ZGRF1: variants seen among roughly 807,000 people sequenced by gnomAD.
ZGRF1 encodes 5'-3' DNA helicase ZGRF1.
In ZGRF1, 196 loss-of-function variants were observed where a neutral mutation model predicts 203.5. That is an observed-to-expected ratio of 0.96 (90% CI 0.86 to 1.08). The LOEUF (loss-of-function observed/expected upper bound fraction) is 1.08, where lower values mean the gene tolerates loss of function less well. ZGRF1 is among the 50% of genes least tolerant of loss of function. The pLI is 0.00. For synonymous variants in ZGRF1, 809 were observed against 841.3 expected (o/e 0.96, Z 0.66); for missense variants, 2,326 against 2,416.3 (o/e 0.96, Z 0.78).
intron 7 of ZGRF1, among the ~76,000 whole-genome samples, chr4:112,612,031 T>C (rs2149128859): frequency 6.6e-6 from 1 of 152,018 alleles, no homozygotes; most frequent in East Asian, 1.9e-4. Flanking sequence ...AATGGCATGA[T>C]CTCGGCTCAC....
At chr4:112,600,622 C>T (rs143079959) in intron 10 of ZGRF1, among the ~76,000 whole-genome samples, 205 of 152,056 alleles carry the variant, frequency 1.3e-3, no homozygotes, top group African/African-American at 4.2e-3. Flanking sequence ...ACCCAGGAGG[C>T]GGAGTGTTGG....
intron 10 of ZGRF1, among the ~76,000 whole-genome samples, chr4:112,603,081 T>C (rs747248569): frequency 1.3e-5 from 2 of 152,328 alleles, no homozygotes; most frequent in Middle Eastern, 3.4e-3. Context: ...AAAAATCTCT[T>C]TGATGAACAC....
At chr4:112,589,999 T>TG (rs1189205615) in intron 10 of ZGRF1, 125 bp from the exon 11 acceptor site, 2 of 601,854 alleles carry the variant, frequency 3.3e-6, no homozygotes, top group East Asian at 5.8e-5. Context: ...AGAGCTATGG[T>TG]GGGGGCAACA....
intron 22 of ZGRF1, among the ~76,000 whole-genome samples, chr4:112,552,234 G>A (rs964785604): frequency 2.0e-5 from 3 of 150,744 alleles, no homozygotes; most frequent in African/African-American, 4.9e-5. Flanking sequence ...CTGAGACTGC[G>A]CCACTGCACT....
Position 112,565,137 on chromosome 4 carries a change from T to A in ZGRF1, c.4439-1863A>T. ...ACAGGCCTGGTACTGTGGCGCTCCGTGAAATTAGATGTTATCAGAAGTCCA... is the reference window on the plus strand; with the variant it reads ...ACAGGCCTGGTACTGTGGCGCTCCGAGAAATTAGATGTTATCAGAAGTCCA... On this transcript the variant is annotated intron_variant, in intron 16 of 27. Coordinates refer to ENST00000505019, the MANE Select transcript of ZGRF1 (RefSeq NM_018392.5). 4 of 1,431,390 alleles carry A rather than the reference T, an allele frequency of 2.8e-6. No individual in the cohort carries two copies. In the South Asian group the frequency reaches 4.6e-5, roughly 16 times the overall value. 88.7% of individuals were successfully genotyped at this position (1,431,390 alleles called of 1,614,324 possible).
rs376974839 is a variant in ZGRF1 at position 112,618,970 on chromosome 4, C to T, written c.1072G>A (p.Asp358Asn). 36 of 1,613,588 alleles carry T rather than the reference C, an allele frequency of 2.2e-5. No homozygotes were observed. The highest frequency in any genetic ancestry group is 2.7e-5 in the Non-Finnish European group (32 of 1,179,860). Residue 358 changes from aspartate (D) to asparagine (N), a missense_variant, in exon 6 of 28, where the codon GAT becomes AAT. Asp to Asn is a conservative substitution (Grantham distance 23). Transcript: ENST00000505019. ...AGGTCTTTCAAATTAGAATTTACATCATCTTCCTGGGCCTTGGGTTTCCTT... is the reference window on the plus strand; with the variant it reads ...AGGTCTTTCAAATTAGAATTTACATTATCTTCCTGGGCCTTGGGTTTCCTT... ...TERKPKAQED[D>N]VNSNLKDLSL...
intron 19 of ZGRF1, among the ~76,000 whole-genome samples, chr4:112,560,073 G>C (rs925638828): frequency 9.2e-5 from 14 of 152,194 alleles, no homozygotes; most frequent in Admixed American, 9.2e-4. Flanking sequence ...TTGGTCAACA[G>C]GGTGGATATG....
chr4:112,561,044 A>G, intron 18 of ZGRF1, 49 bp from the exon 19 acceptor site: 1 of 1,382,350 alleles, frequency 7.2e-7, no homozygotes, highest in South Asian at 1.2e-5. Flanking sequence ...GGGCATTTGA[A>G]AAAGATGAGT....
At chr4:112,636,622 C>A (rs2047654492) in intron 1 of ZGRF1, 1 of 152,092 alleles carries the variant, frequency 6.6e-6, no homozygotes, top group Non-Finnish European at 1.5e-5. Flanking sequence ...ACAGCAAAGC[C>A]CTCTTTGGTC....
At chr4:112,567,063 A>G (rs1225624286) in intron 16 of ZGRF1, among the ~76,000 whole-genome samples, 1 of 152,192 alleles carries the variant, frequency 6.6e-6, no homozygotes, top group Non-Finnish European at 1.5e-5. Flanking sequence ...TCCTAGGGCT[A>G]AAGAATTCTA....
chr4:112,559,337 T>C (rs149079258), intron 19 of ZGRF1, among the ~76,000 whole-genome samples: 2,114 of 152,280 alleles, frequency 0.014, 16 homozygotes, highest in Middle Eastern at 0.044. Flanking sequence ...TAGCTGGGAC[T>C]ACAGGTGCAT....
chr4:112,608,990 C>G (rs1297615787), intron 8 of ZGRF1, among the ~76,000 whole-genome samples: 1 of 151,862 alleles, frequency 6.6e-6, no homozygotes, highest in African/African-American at 2.4e-5. Context: ...ATATATAATA[C>G]AAACTTAGAT....
At chr4:112,633,619 G>A (rs2149219564) in intron 1 of ZGRF1, among the ~76,000 whole-genome samples, 1 of 152,278 alleles carries the variant, frequency 6.6e-6, no homozygotes. Context: ...TGGCCCCCTT[G>A]TGTTTTAAAT....
chr4:112,615,658 A>C (rs902598523), intron 6 of ZGRF1, among the ~76,000 whole-genome samples: 42 of 134,678 alleles, frequency 3.1e-4, no homozygotes, highest in African/African-American at 1.2e-3. Context: ...TTAAGATGGG[A>C]GTTTCATTCA....
chr4:112,544,934 C>T (rs1409932313), intron 24 of ZGRF1, among the ~76,000 whole-genome samples: 2 of 152,090 alleles, frequency 1.3e-5, no homozygotes. Context: ...AACTATATAT[C>T]CACATGCAAA....
intron 2 of ZGRF1, 69 bp downstream of exon 2, chr4:112,633,087 G>C: frequency 7.3e-7 from 1 of 1,378,170 alleles, no homozygotes; most frequent in Non-Finnish European, 1.0e-6. Context: ...AGATGTTTGT[G>C]AAACGCCTTT....
At chr4:112,591,015 T>C (rs1414165491) in intron 10 of ZGRF1, among the ~76,000 whole-genome samples, 1 of 152,100 alleles carries the variant, frequency 6.6e-6, no homozygotes, top group African/African-American at 2.4e-5. Context: ...TACTGGGTTC[T>C]GGGTGCTGTG....
At chr4:112,617,372 A>AT (rs2046915462) in intron 6 of ZGRF1, 68 bp downstream of exon 6, 1 of 1,165,174 alleles carries the variant, frequency 8.6e-7, no homozygotes, top group Non-Finnish European at 1.2e-6. Flanking sequence ...CCCAGAGCTA[A>AT]TATCTTCTTT....
intron 21 of ZGRF1, among the ~76,000 whole-genome samples, chr4:112,554,216 C>A (rs1431821082): frequency 2.5e-5 from 3 of 120,044 alleles, no homozygotes. Context: ...CCCCCACCCA[C>A]AACACGCCCC....
Sources: gnomAD v4.1 joint callset for allele counts (sites outside exome capture counted in the v4.1 genomes callset) on GRCh38, gnomAD v4.1.1 for gene constraint, MANE v1.5 for transcripts, NCBI Gene and HGNC (gene_info 2026-07-23, HGNC 2026-07-21) for gene names.